SULT1B1: variants seen among roughly 807,000 people sequenced by gnomAD.
SULT1B1 encodes sulfotransferase 1B1.
In SULT1B1, 28 loss-of-function variants were observed where a neutral mutation model predicts 34.6. The observed-to-expected ratio is 0.81, with a 90% confidence interval of 0.60 to 1.11. The LOEUF is 1.11. Among genes scored for constraint, SULT1B1 ranks in the 50% least tolerant of loss-of-function variants. The pLI is 0.00. For missense variants in SULT1B1, 374 were observed against 352.2 expected (o/e 1.06, Z -0.50); for synonymous variants, 147 against 110.2 (o/e 1.33, Z -2.09).
At chr4:69,730,180 A>T (rs1016339782) in intron 7 of SULT1B1, among the ~76,000 whole-genome samples, 2 of 152,150 alleles carry the variant, frequency 1.3e-5, no homozygotes, top group African/African-American at 4.8e-5. Flanking sequence ...AAGCTTATCT[A>T]TGCCATCTTA....
At chr4:69,737,102 G>A (rs1326765313) in intron 4 of SULT1B1, among the ~76,000 whole-genome samples, 5 of 150,622 alleles carry the variant, frequency 3.3e-5, no homozygotes, top group Non-Finnish European at 5.9e-5. Flanking sequence ...AGAAAAAAAA[G>A]CCAGATATAC....
intron 1 of SULT1B1, among the ~76,000 whole-genome samples, chr4:69,756,614 A>C (rs988112233): frequency 4.6e-5 from 7 of 151,988 alleles, no homozygotes; most frequent in African/African-American, 1.7e-4. Context: ...TTGTTTCTTT[A>C]TTCCTGCCTG....
intron 5 of SULT1B1, among the ~76,000 whole-genome samples, 162 bp downstream of exon 5, chr4:69,733,976 T>C (rs1011310270): frequency 6.6e-6 from 1 of 152,148 alleles, no homozygotes; most frequent in African/African-American, 2.4e-5. Context: ...TTGAAGGTCA[T>C]AGTAAAAATA....
intron 1 of SULT1B1, among the ~76,000 whole-genome samples, chr4:69,759,373 A>T (rs546504468): frequency 7.1e-4 from 108 of 152,326 alleles, no homozygotes; most frequent in Non-Finnish European, 1.4e-3. Context: ...GAGTATTTAC[A>T]AATTGGAAGG....
rs1002384942 is a variant in SULT1B1, at chr4:69,726,272, A to T, written c.*816T>A. ...AGGATATTAAAGGTGCTATTAAGGT[A>T]TCCAAATCTATCCAAATATAAGATT... On this transcript the variant is annotated 3_prime_UTR_variant, in exon 8 of 8. Coordinates refer to ENST00000310613, the MANE Select transcript of SULT1B1 (RefSeq NM_014465.4). 3 of 151,216 alleles carry T rather than the reference A, an allele frequency of 2.0e-5. No homozygotes were observed. The highest frequency in any genetic ancestry group is 6.6e-5 in the Admixed American group (1 of 15,090). 9.4% of individuals were successfully genotyped at this position (151,216 alleles called of 1,614,324 possible). A position where few individuals can be genotyped will look rare whatever the true frequency, so the allele number is the denominator to read the frequency against.
At chr4:69,751,553 G>A (rs1463320640) in intron 3 of SULT1B1, among the ~76,000 whole-genome samples, 2 of 152,098 alleles carry the variant, frequency 1.3e-5, no homozygotes, top group African/African-American at 2.4e-5. Context: ...CCGGGTTCAC[G>A]CCATTCTCCT....
chr4:69,730,825 A>G, intron 6 of SULT1B1, 144 bp from the exon 7 acceptor site: 1 of 683,772 alleles, frequency 1.5e-6, no homozygotes, highest in Non-Finnish European at 2.4e-6. Flanking sequence ...TCAATTTTTA[A>G]ATAAACTAAT....
At chr4:69,741,747 G>T (rs950995296) in intron 4 of SULT1B1, among the ~76,000 whole-genome samples, 1 of 152,178 alleles carries the variant, frequency 6.6e-6, no homozygotes, top group Non-Finnish European at 1.5e-5. Context: ...CTGAAAGTTT[G>T]CTGAAGTTGC....
chr4:69,729,725 C>A (rs1244564092), intron 7 of SULT1B1, among the ~76,000 whole-genome samples: 1 of 152,054 alleles, frequency 6.6e-6, no homozygotes, highest in East Asian at 1.9e-4. Flanking sequence ...TAAGGCTATG[C>A]TCACTTCCTA....
intron 1 of SULT1B1, among the ~76,000 whole-genome samples, chr4:69,759,642 G>A (rs928998504): frequency 6.6e-6 from 1 of 152,184 alleles, no homozygotes; most frequent in Non-Finnish European, 1.5e-5. Flanking sequence ...AGAGTATGGA[G>A]AGGAGGACTG....
intron 4 of SULT1B1, among the ~76,000 whole-genome samples, chr4:69,737,877 C>A (rs1718378625): frequency 6.6e-6 from 1 of 151,926 alleles, no homozygotes. Context: ...TAATTTTTAA[C>A]TTTTAGGTCC....
intron 6 of SULT1B1, 23 bp downstream of exon 6, chr4:69,733,390 A>G: frequency 3.3e-6 from 5 of 1,532,918 alleles, no homozygotes; most frequent in Non-Finnish European, 4.5e-6. Flanking sequence ...GAAATTATCC[A>G]GAATCCATAT....
At position 69,730,358 on chromosome 4, in the gene SULT1B1, A is replaced by G; in HGVS notation, c.778+143T>C. ...GCATTGTTTCATTTAATAATTTTGA[A>G]TCTCAGCAACTTTTGGTGGTAGGTA... On this transcript the variant is annotated intron_variant, in intron 7 of 7. Coordinates refer to ENST00000310613, the MANE Select transcript of SULT1B1 (RefSeq NM_014465.4). 2 of 593,396 alleles carry G rather than the reference A, an allele frequency of 3.4e-6. 1 individual carries two copies. The highest frequency in any genetic ancestry group is 5.6e-6 in the Non-Finnish European group (2 of 357,184). The allele number at this position is 593,396 out of a possible 1,614,324, so 36.8% of individuals were successfully genotyped here. A position where few individuals can be genotyped will look rare whatever the true frequency, so the allele number is the denominator to read the frequency against.
chr4:69,753,833 CCAAT>C (rs1313068674), intron 3 of SULT1B1, among the ~76,000 whole-genome samples: 3 of 152,294 alleles, frequency 2.0e-5, no homozygotes, highest in South Asian at 2.1e-4. Flanking sequence ...CAAGTTTTGG[CCAAT>C]CAAAGGTGGC....
In SULT1B1 at chr4:69,721,501, A is replaced by G. The variant is rs1717668638; in HGVS notation, c.*5587T>C. ...TTTTTCTGTATATGAAAGGAATTACAAAATATGGAGAAGGGTTGTATGTTG... is the reference window on the plus strand; with the variant it reads ...TTTTTCTGTATATGAAAGGAATTACGAAATATGGAGAAGGGTTGTATGTTG... On this transcript the variant is annotated 3_prime_UTR_variant, in exon 8 of 8. Transcript: ENST00000310613. 1 of 152,124 alleles carries G rather than the reference A, an allele frequency of 6.6e-6. No homozygotes were observed. The highest frequency in any genetic ancestry group is 1.5e-5 in the Non-Finnish European group (1 of 67,986). The allele number at this position is 152,124 out of a possible 1,614,324, so 9.4% of individuals were successfully genotyped here.
At position 69,725,664 on chromosome 4, in the gene SULT1B1, A is replaced by G. The variant is rs1717804654; in HGVS notation, c.*1424T>C. On this transcript the variant is annotated 3_prime_UTR_variant, in exon 8 of 8. Coordinates refer to ENST00000310613, the MANE Select transcript of SULT1B1 (RefSeq NM_014465.4). ...AGACTGGATTAAGAAAATGTGGCACATATACACCATAGAATACTGTGCAGC... is the reference window on the plus strand; with the variant it reads ...AGACTGGATTAAGAAAATGTGGCACGTATACACCATAGAATACTGTGCAGC... 6.6e-6 allele frequency: 1 copy of G among 152,154 alleles called. No homozygotes were observed. The highest frequency in any genetic ancestry group is 2.1e-4 in the South Asian group (1 of 4,828). The allele number at this position is 152,154 out of a possible 1,614,324, so 9.4% of individuals were successfully genotyped here. A position where few individuals can be genotyped will look rare whatever the true frequency, so the allele number is the denominator to read the frequency against.
chr4:69,723,102 C>G lies in SULT1B1; in HGVS notation c.*3986G>C, dbSNP rs1327558421. On this transcript the variant is annotated 3_prime_UTR_variant, in exon 8 of 8. Coordinates refer to ENST00000310613, the MANE Select transcript of SULT1B1 (RefSeq NM_014465.4). ...TCAGGAGCTGGTTTTTCGAAAAGAT[C>G]AACAAAATTGATAGACCACCAGCAA... The G allele has an allele frequency of 6.6e-6, 1 of 151,574 alleles. No individual in the cohort carries two copies. The highest frequency in any genetic ancestry group is 1.5e-5 in the Non-Finnish European group (1 of 67,898). 9.4% of individuals were successfully genotyped at this position (151,574 alleles called of 1,614,324 possible). A position where few individuals can be genotyped will look rare whatever the true frequency, so the allele number is the denominator to read the frequency against.
chr4:69,754,546 G>T, intron 3 of SULT1B1, 124 bp downstream of exon 3: 1 of 918,828 alleles, frequency 1.1e-6, no homozygotes, highest in Non-Finnish European at 1.6e-6. Flanking sequence ...GTTTTATATT[G>T]TTTGCCACCT....
intron 1 of SULT1B1, chr4:69,760,187 C>A (rs1048108125): frequency 1.0e-6 from 1 of 979,298 alleles, no homozygotes; most frequent in Non-Finnish European, 1.2e-6. Flanking sequence ...AAAAAGATTT[C>A]TTTTTCTTTA....
Sources: allele counts gnomAD v4.1 joint callset (sites outside exome capture counted in the v4.1 genomes callset), GRCh38; gene constraint gnomAD v4.1.1; transcripts MANE v1.5; gene names NCBI Gene and HGNC (gene_info 2026-07-23, HGNC 2026-07-21).